CSMD1: variants seen among roughly 807,000 people sequenced by gnomAD.
CSMD1 encodes CUB and Sushi multiple domains 1.
In CSMD1, 213 loss-of-function variants were observed where a neutral mutation model predicts 417.5. The observed-to-expected ratio is 0.51, with a 90% confidence interval of 0.46 to 0.57. CSMD1 has a LOEUF of 0.57. Among genes scored for constraint, CSMD1 ranks in the 20% least tolerant of loss-of-function variants. The pLI is 0.00. For missense variants in CSMD1, 6,923 were observed against 4,529.7 expected, an observed-to-expected ratio of 1.53 and a Z score of -15.17; for synonymous variants, 2,862 against 1,736.8, an observed-to-expected ratio of 1.65 and a Z score of -16.11.
chr8:4,180,175 C>T (rs150388754), intron 3 of CSMD1, among the ~76,000 whole-genome samples: 2 of 151,982 alleles, frequency 1.3e-5, no homozygotes, highest in Non-Finnish European at 1.5e-5. Context: ...TTGGAACCAA[C>T]CCAAATGTCC....
intron 41 of CSMD1, among the ~76,000 whole-genome samples, chr8:3,131,984 A>G (rs547812678): frequency 6.6e-6 from 1 of 152,284 alleles, no homozygotes; most frequent in African/African-American, 2.4e-5. Flanking sequence ...TTCCTTCACA[A>G]TCCAATACCA....
intron 7 of CSMD1, among the ~76,000 whole-genome samples, chr8:3,701,589 A>T (rs994250605): frequency 1.3e-5 from 2 of 152,054 alleles, no homozygotes; most frequent in Admixed American, 6.5e-5. Flanking sequence ...TTCATAAATT[A>T]TTCCAAACTT....
Position 3,000,068 on chromosome 8 carries a change from T to G in CSMD1, c.8093A>C (p.Tyr2698Ser). 6.2e-7 allele frequency: 1 copy of G among 1,603,068 alleles called. No homozygotes were observed. The highest frequency in any genetic ancestry group is 8.5e-7 in the Non-Finnish European group (1 of 1,177,490). Residue 2698 changes from tyrosine to serine, a missense_variant, in exon 53 of 70, where the codon TAC (tyrosine) becomes TCC (serine). Tyr to Ser is a moderately radical substitution (Grantham distance 144). Transcript: ENST00000635120. Reference sequence around the variant, plus strand: ...GCACTGGTAAACCACCGTGTCTCTGTAACTGAAGCCATCTCCACTAATGTG... The same window carrying G: ...GCACTGGTAAACCACCGTGTCTCTGGAACTGAAGCCATCTCCACTAATGTG... ...NGHISGDGFS[Y>S]RDTVVYQCNP...
chr8:4,655,797 T>G (rs995808593), intron 1 of CSMD1, among the ~76,000 whole-genome samples: 1 of 152,142 alleles, frequency 6.6e-6, no homozygotes, highest in Admixed American at 6.5e-5. Context: ...AATCAATTAC[T>G]CAAAGACCTC....
intron 49 of CSMD1, among the ~76,000 whole-genome samples, chr8:3,060,475 C>G (rs550907535): frequency 6.6e-6 from 1 of 152,168 alleles, no homozygotes; most frequent in African/African-American, 2.4e-5. Context: ...GGGCATGAGC[C>G]ACTGTCTATT....
At chr8:3,628,017 G>C (rs1306609933) in intron 7 of CSMD1, among the ~76,000 whole-genome samples, 1 of 152,098 alleles carries the variant, frequency 6.6e-6, no homozygotes, top group Non-Finnish European at 1.5e-5. Flanking sequence ...CTATGTAAAA[G>C]ATTCAAAAGG....
At chr8:4,629,588 T>C (rs985679104) in intron 2 of CSMD1, among the ~76,000 whole-genome samples, 1 of 152,214 alleles carries the variant, frequency 6.6e-6, no homozygotes, top group South Asian at 2.1e-4. Context: ...TGTTAAGTTT[T>C]AGGAAGTCCA....
intron 7 of CSMD1, among the ~76,000 whole-genome samples, chr8:3,647,827 G>C (rs12548981): frequency 0.063 from 9,559 of 152,314 alleles, 365 homozygotes; most frequent in Non-Finnish European, 0.093. Flanking sequence ...TATAATGTTG[G>C]TGAATCTGAG....
intron 1 of CSMD1, among the ~76,000 whole-genome samples, chr8:4,992,919 T>C (rs1026017511): frequency 1.4e-4 from 22 of 151,972 alleles, no homozygotes; most frequent in Admixed American, 3.3e-4. Flanking sequence ...CTTGTGAGGG[T>C]GGATGCCGGT....
At chr8:4,732,961 G>A (rs541435939) in intron 1 of CSMD1, among the ~76,000 whole-genome samples, 7 of 152,080 alleles carry the variant, frequency 4.6e-5, no homozygotes, top group African/African-American at 1.7e-4. Flanking sequence ...GGGAACAGGT[G>A]CATTTGTACC....
chr8:3,374,888 G>T (rs561133166), intron 18 of CSMD1, among the ~76,000 whole-genome samples: 1 of 152,152 alleles, frequency 6.6e-6, no homozygotes, highest in South Asian at 2.1e-4. Context: ...ATGGAAGTTT[G>T]CAGAGTCAGT....
chr8:3,370,968 A>G (rs1447234053), intron 18 of CSMD1, among the ~76,000 whole-genome samples: 1 of 149,614 alleles, frequency 6.7e-6, no homozygotes, highest in Non-Finnish European at 1.5e-5. Flanking sequence ...CAAGAGTCAA[A>G]CTCCATCAAA....
chr8:3,713,109 G>A (rs1801623068), intron 6 of CSMD1, among the ~76,000 whole-genome samples: 1 of 152,086 alleles, frequency 6.6e-6, no homozygotes. Context: ...CAACATTTAG[G>A]AAGATAAATT....
chr8:4,800,811 A>C (rs1221708496), intron 1 of CSMD1, among the ~76,000 whole-genome samples: 37 of 152,178 alleles, frequency 2.4e-4, no homozygotes, highest in Admixed American at 2.4e-3. Context: ...TGGGGAGGGC[A>C]CCTGAGTGGT....
intron 49 of CSMD1, among the ~76,000 whole-genome samples, chr8:3,079,219 T>C (rs577427189): frequency 1.3e-5 from 2 of 152,278 alleles, no homozygotes; most frequent in African/African-American, 4.8e-5. Flanking sequence ...TTGATGGGAG[T>C]TGGCCAGTTT....
intron 1 of CSMD1, among the ~76,000 whole-genome samples, chr8:4,874,489 A>G (rs1802924153): frequency 1.3e-5 from 2 of 148,768 alleles, no homozygotes; most frequent in South Asian, 4.2e-4. Flanking sequence ...TCCCAGGTTC[A>G]AGCAGTTCTC....
At chr8:3,678,335 T>TC (rs1799486065) in intron 7 of CSMD1, among the ~76,000 whole-genome samples, 5 of 152,038 alleles carry the variant, frequency 3.3e-5, no homozygotes, top group Admixed American at 3.3e-4. Flanking sequence ...TGCAGAGAAG[T>TC]CTTTAAAGGA....
At chr8:4,674,480 G>T (rs1277872733) in intron 1 of CSMD1, among the ~76,000 whole-genome samples, 1 of 152,136 alleles carries the variant, frequency 6.6e-6, no homozygotes, top group Non-Finnish European at 1.5e-5. Context: ...GTGTATAAAT[G>T]CTCAAAGGGA....
At chr8:3,428,987 C>T (rs1201798450) in intron 12 of CSMD1, among the ~76,000 whole-genome samples, 1 of 152,096 alleles carries the variant, frequency 6.6e-6, no homozygotes, top group East Asian at 1.9e-4. Context: ...CCTCAGAAAA[C>T]TGATCTCATT....
Sources: gnomAD v4.1 joint callset for allele counts (sites outside exome capture counted in the v4.1 genomes callset) on GRCh38, gnomAD v4.1.1 for gene constraint, MANE v1.5 for transcripts, NCBI Gene and HGNC (gene_info 2026-07-23, HGNC 2026-07-21) for gene names.